ANXA6: variants seen among roughly 807,000 people sequenced by gnomAD.
The protein encoded by ANXA6 is annexin A6, also known as 67 kDa calelectrin.
A neutral mutation model predicts 95.4 loss-of-function variants in ANXA6; 71 were observed. The observed-to-expected ratio is 0.74, with a 90% CI of 0.61 to 0.91. The LOEUF (loss-of-function observed/expected upper bound fraction) is 0.91, where lower values mean the gene tolerates loss of function less well. ANXA6 is among the 40% of genes least tolerant of loss of function. The probability of loss-of-function intolerance (pLI) is 0.00; values close to 1 mark genes in which losing one functional copy is unlikely to be tolerated. For missense variants in ANXA6, 830 were observed against 876.4 expected (o/e 0.95, Z 0.67); for synonymous variants, 289 against 315.9 (o/e 0.91, Z 0.90).
chr5:151,110,256 C>T (rs9324675), intron 21 of ANXA6, among the ~76,000 whole-genome samples: 27,357 of 152,154 alleles, frequency 0.18, 2,891 homozygotes, highest in South Asian at 0.29. Flanking sequence ...TTTCCCCAAG[C>T]GGGGTCAAGG....
chr5:151,101,335 TC>T lies in ANXA6; in HGVS notation c.*112del. On this transcript the variant is annotated 3_prime_UTR_variant, in exon 26 of 26. Coordinates refer to ENST00000354546, the MANE Select transcript of ANXA6 (RefSeq NM_001155.5). ...GAAGATAAGAGCCCAACCCAACCCC[TC>T]CCCCCACCCCTGCCCCTTCCTTAGT... is the stretch of plus-strand genomic sequence containing the variant. The T allele has an allele frequency of 4.6e-5, 7 of 153,010 alleles. No homozygotes were observed. The highest frequency in any genetic ancestry group is 1.9e-4 in the South Asian group (4 of 21,276). The allele number at this position is 153,010 out of a possible 1,614,324, so 9.5% of individuals were successfully genotyped here.
At chr5:151,140,934 G>T (rs1006348620) in intron 2 of ANXA6, among the ~76,000 whole-genome samples, 1 of 152,200 alleles carries the variant, frequency 6.6e-6, no homozygotes, top group Non-Finnish European at 1.5e-5. Flanking sequence ...GAACCTTGCA[G>T]GTGCCAGCTA....
intron 24 of ANXA6, 125 bp from the exon 25 acceptor site, chr5:151,103,817 C>T: frequency 8.3e-7 from 1 of 1,199,886 alleles, no homozygotes; most frequent in Non-Finnish European, 1.1e-6. Context: ...GGATGTTCCA[C>T]CTCTGTCTTC....
intron 8 of ANXA6, among the ~76,000 whole-genome samples, chr5:151,133,842 C>T (rs1347769110): frequency 6.6e-6 from 1 of 152,184 alleles, no homozygotes; most frequent in Non-Finnish European, 1.5e-5. Flanking sequence ...CCTTTCCTCC[C>T]TCTCCTAGGC....
intron 20 of ANXA6, among the ~76,000 whole-genome samples, chr5:151,113,752 C>T (rs1051083134): frequency 1.3e-5 from 2 of 152,210 alleles, no homozygotes; most frequent in Non-Finnish European, 2.9e-5. Flanking sequence ...AATGGTTAAA[C>T]TTAGAGTTCT....
At position 151,132,590 on chromosome 5, in the gene ANXA6, C is replaced by A. The variant is rs763162286; in HGVS notation, c.641-19G>T. 8 of 1,606,254 alleles carry A rather than the reference C, an allele frequency of 5.0e-6. No individual in the cohort carries two copies. In the South Asian group the frequency reaches 8.9e-5, roughly 18 times the overall value. ...TCGAACACTGCGTCAGACAGAGAGACAGGGAGGTTTGAGAGTGCCTCTGTA... is the reference window on the plus strand; with the variant it reads ...TCGAACACTGCGTCAGACAGAGAGAAAGGGAGGTTTGAGAGTGCCTCTGTA... On this transcript the variant is annotated intron_variant, in intron 9 of 25. Coordinates refer to ENST00000354546, the MANE Select transcript of ANXA6 (RefSeq NM_001155.5).
In ANXA6 at chr5:151,101,346, C is replaced by G. The variant is rs180958218; in HGVS notation, c.*102G>C. 1,045 of 459,252 alleles carry G rather than the reference C, an allele frequency of 2.3e-3. 8 individuals carry two copies. The highest frequency in any genetic ancestry group is 0.019 in the African/African-American group (922 of 47,490). The allele number at this position is 459,252 out of a possible 1,614,324, so 28.4% of individuals were successfully genotyped here. On this transcript the variant is annotated 3_prime_UTR_variant, in exon 26 of 26. Coordinates refer to ENST00000354546, the MANE Select transcript of ANXA6 (RefSeq NM_001155.5). ...CCCAACCCAACCCCTCCCCCCACCC[C>G]TGCCCCTTCCTTAGTCTCTGGAGCT...
At chr5:151,107,149 G>A (rs909665014) in intron 23 of ANXA6, among the ~76,000 whole-genome samples, 17 of 152,170 alleles carry the variant, frequency 1.1e-4, no homozygotes, top group South Asian at 2.1e-4. Flanking sequence ...CTAAACCTGC[G>A]TGCAACTAAC....
intron 15 of ANXA6, 145 bp from the exon 16 acceptor site, chr5:151,123,156 G>A (rs770186289): frequency 2.5e-5 from 17 of 681,348 alleles, no homozygotes; most frequent in Middle Eastern, 2.4e-4. Flanking sequence ...CCTGCAGTCC[G>A]CTTGCCTATG....
At chr5:151,109,951 T>G in intron 21 of ANXA6, 105 bp from the exon 22 acceptor site, 1 of 854,212 alleles carries the variant, frequency 1.2e-6, no homozygotes, top group Non-Finnish European at 1.9e-6. Flanking sequence ...AGTCAGAAGC[T>G]GGGCTCACCC....
intron 2 of ANXA6, among the ~76,000 whole-genome samples, chr5:151,143,050 A>G (rs1765879187): frequency 1.3e-5 from 2 of 152,180 alleles, no homozygotes; most frequent in Admixed American, 1.3e-4. Flanking sequence ...AGAGAGGGAA[A>G]GGACTTTGAG....
chr5:151,110,398 C>T (rs1396197630), intron 21 of ANXA6, among the ~76,000 whole-genome samples: 1 of 152,180 alleles, frequency 6.6e-6, no homozygotes, highest in African/African-American at 2.4e-5. Flanking sequence ...ATTTAAAGAT[C>T]AGTATTAATA....
rs191544273 is a variant in ANXA6, at chr5:151,126,937, G to C, written c.978-457C>G. On this transcript the variant is annotated intron_variant, in intron 13 of 25. Transcript: ENST00000354546. ...TCGCCATGTTGGCCAGGCTGGTCTTGAACTCCTGACCTCAGGTGATCCGCC... is the reference window on the plus strand; with the variant it reads ...TCGCCATGTTGGCCAGGCTGGTCTTCAACTCCTGACCTCAGGTGATCCGCC... 3.6e-3 allele frequency among the ~76,000 whole-genome samples: 544 copies of C among 152,266 alleles called. 1 individual carries two copies. The highest frequency in any genetic ancestry group is 4.8e-3 in the Non-Finnish European group (327 of 68,002).
chr5:151,123,897 G>C (rs891363979), intron 15 of ANXA6, among the ~76,000 whole-genome samples: 3 of 152,170 alleles, frequency 2.0e-5, no homozygotes, highest in Admixed American at 2.0e-4. Context: ...TTGGGTTCCA[G>C]GGTCCACAGC....
intron 21 of ANXA6, 33 bp from the exon 22 acceptor site, chr5:151,109,879 A>G: frequency 6.8e-7 from 1 of 1,475,866 alleles, no homozygotes. Flanking sequence ...AGGATTTGGG[A>G]GGGGAGACAT....
intron 3 of ANXA6, 100 bp downstream of exon 3, chr5:151,140,053 T>G (rs1311418713): frequency 1.1e-6 from 1 of 927,240 alleles, no homozygotes; most frequent in African/African-American, 1.7e-5. Context: ...ATAAGTGCAC[T>G]TCACCATTTC....
chr5:151,132,395 C>T, intron 10 of ANXA6, 81 bp downstream of exon 10: 1 of 1,073,984 alleles, frequency 9.3e-7, no homozygotes. Context: ...TGTAATTCCC[C>T]TTTCCATTCT....
chr5:151,103,738 G>C, intron 24 of ANXA6, 46 bp from the exon 25 acceptor site: 2 of 1,575,658 alleles, frequency 1.3e-6, no homozygotes, highest in South Asian at 1.2e-5. Context: ...AGGAGAGATA[G>C]AGCCCAGTCA....
chr5:151,113,962 G>A (rs4526094), intron 20 of ANXA6, among the ~76,000 whole-genome samples: 7 of 152,070 alleles, frequency 4.6e-5, no homozygotes, highest in African/African-American at 1.2e-4. Flanking sequence ...CGGATGACCC[G>A]TGAAAACACT....
Sources: allele counts gnomAD v4.1 joint callset (sites outside exome capture counted in the v4.1 genomes callset), GRCh38; gene constraint gnomAD v4.1.1; transcripts MANE v1.5; gene names NCBI Gene and HGNC (gene_info 2026-07-23, HGNC 2026-07-21).